HDGFL2: variants seen among roughly 807,000 people sequenced by gnomAD.
HDGFL2 encodes hepatoma-derived growth factor-related protein 2.
In HDGFL2, 36 loss-of-function variants were observed where a neutral mutation model predicts 77.1. That is an observed-to-expected ratio of 0.47 (90% CI 0.36 to 0.62). The LOEUF is 0.62. Among genes scored for constraint, HDGFL2 ranks in the 20% least tolerant of loss-of-function variants. The probability of loss-of-function intolerance (pLI) is 0.00; values close to 1 mark genes in which losing one functional copy is unlikely to be tolerated. For missense variants in HDGFL2, 976 were observed against 973.4 expected, an observed-to-expected ratio of 1.00 and a Z score of -0.04; for synonymous variants, 463 against 413.1, an observed-to-expected ratio of 1.12 and a Z score of -1.46.
rs1975779422 is a variant in HDGFL2, at chr19:4,498,885, G to A, written c.1545G>A (p.Lys515=). ...TLQVTSQILQ[K]NTDVVATLKK... is the part of the protein sequence containing the mutation. Reference sequence around the variant, plus strand: ...AGGTGACCTCTCAGATCCTCCAGAAGAACACAGACGTGGTGGCCACCTTGA... The same window carrying A: ...AGGTGACCTCTCAGATCCTCCAGAAAAACACAGACGTGGTGGCCACCTTGA... Residue 515 remains lysine, a synonymous_variant, in exon 13 of 16, where the codon AAG becomes AAA. Coordinates refer to ENST00000616600, the MANE Select transcript of HDGFL2 (RefSeq NM_001001520.3). 1 of 1,611,676 alleles carries A rather than the reference G, an allele frequency of 6.2e-7. No individual in the cohort carries two copies. The highest frequency in any genetic ancestry group is 1.7e-5 in the Admixed American group (1 of 59,740).
chr19:4,494,138 G>T (rs751626784), intron 8 of HDGFL2, 28 bp from the exon 9 acceptor site: 3 of 1,494,976 alleles, frequency 2.0e-6, no homozygotes, highest in South Asian at 2.6e-5. Flanking sequence ...GAGGAACGGA[G>T]GTCCCCAACC....
Position 4,494,407 on chromosome 19 carries a change from C to G in HDGFL2, c.1156C>G (p.Arg386Gly), listed in dbSNP as rs1200423780. 2 of 1,401,812 alleles carry G rather than the reference C, an allele frequency of 1.4e-6. No homozygotes were observed. Among genetic ancestry groups the G allele is most frequent in the Non-Finnish European group, 1.8e-6 (2 of 1,082,288 alleles). The allele number at this position is 1,401,812 out of a possible 1,614,324, so 86.8% of individuals were successfully genotyped here. The change falls in exon 9 of 16, where the codon CGC becomes GGC. Residue 386 changes from arginine to glycine, a missense_variant. Transcript: ENST00000616600. ...EDDEPVKKRG[R>G]KGRGRGPPSS... ...CGATGAGCCCGTCAAGAAGCGGGGACGCAAGGGCCGGGGCCGGGGTCCCCC... is the reference window on the plus strand; with the variant it reads ...CGATGAGCCCGTCAAGAAGCGGGGAGGCAAGGGCCGGGGCCGGGGTCCCCC...
chr19:4,492,604 CTG>C (rs966508681), intron 6 of HDGFL2, among the ~76,000 whole-genome samples: 3 of 146,224 alleles, frequency 2.1e-5, no homozygotes, highest in South Asian at 2.2e-4. Context: ...TGTGTGTTGT[CTG>C]TGTGTTATCT....
At chr19:4,489,751 T>C (rs1346146537) in intron 4 of HDGFL2, among the ~76,000 whole-genome samples, 1 of 152,136 alleles carries the variant, frequency 6.6e-6, no homozygotes, top group Non-Finnish European at 1.5e-5. Context: ...TTAAAAAAAA[T>C]TGAGTTATAG....
chr19:4,481,804 A>T (rs1407820517), intron 3 of HDGFL2, among the ~76,000 whole-genome samples: 2 of 152,042 alleles, frequency 1.3e-5, no homozygotes, highest in African/African-American at 2.4e-5. Context: ...CTGACCCCTC[A>T]GCGGGCTCCT....
In HDGFL2 at chr19:4,491,760, C is replaced by G; in HGVS notation, c.607-4C>G. The stretch of plus-strand genomic sequence containing the variant: ...CCCCAGTTCAGCTCACTTCTCTCCC[C>G]CAGGACTTCACACCTGAGAAGAAAG... On this transcript the variant is annotated splice_region_variant and splice_polypyrimidine_tract_variant and intron_variant, in intron 5 of 15. Transcript: ENST00000616600. 6.2e-7 allele frequency: 1 copy of G among 1,614,018 alleles called. No homozygotes were observed. The highest frequency in any genetic ancestry group is 8.5e-7 in the Non-Finnish European group (1 of 1,180,024).
chr19:4,501,610 G>A, intron 15 of HDGFL2: 1 of 465,550 alleles, frequency 2.1e-6, no homozygotes, highest in South Asian at 3.7e-5. Context: ...CCCGAGCACG[G>A]GCACCCGGCT....
rs1212821893 is a variant in HDGFL2, at chr19:4,491,748, C to G, written c.607-16C>G. 1 of 1,613,944 alleles carries G rather than the reference C, an allele frequency of 6.2e-7. No homozygotes were observed. Among genetic ancestry groups the G allele is most frequent in the Admixed American group, 1.7e-5 (1 of 60,020 alleles). On this transcript the variant is annotated splice_polypyrimidine_tract_variant and intron_variant, in intron 5 of 15. Transcript: ENST00000616600. ...GCTGCCAGTGGGCCCCAGTTCAGCTCACTTCTCTCCCCCAGGACTTCACAC... is the reference window on the plus strand; with the variant it reads ...GCTGCCAGTGGGCCCCAGTTCAGCTGACTTCTCTCCCCCAGGACTTCACAC...
chr19:4,501,824 C>T, intron 15 of HDGFL2, 87 bp from the exon 16 acceptor site: 1 of 992,872 alleles, frequency 1.0e-6, no homozygotes, highest in Non-Finnish European at 1.4e-6. Context: ...CGGGGGTACA[C>T]TCCTCGGTGC....
At chr19:4,491,423 T>A in intron 4 of HDGFL2, 143 bp from the exon 5 acceptor site, 1 of 673,368 alleles carries the variant, frequency 1.5e-6, no homozygotes, top group Admixed American at 2.7e-5. Flanking sequence ...AGATCCCTGG[T>A]TTGATCAGGT....
At position 4,472,450 on chromosome 19, in the gene HDGFL2, T is replaced by TA. The variant is rs1264231334; in HGVS notation, c.72+28_72+29insA. ...GAGGCCGCGCGGGAGATGGGGCCGG[T>TA]GGGGGGGGGGGGGGGGGCAGCGGGG... On this transcript the variant is annotated intron_variant, in intron 1 of 15. Transcript: ENST00000616600. The TA allele has an allele frequency of 2.6e-5, 7 of 268,022 alleles. No individual in the cohort carries two copies. The African/African-American group carries it at 3.3e-4, about 12-fold the overall frequency. The allele number at this position is 268,022 out of a possible 1,614,324, so 16.6% of individuals were successfully genotyped here. A position where few individuals can be genotyped will look rare whatever the true frequency, so the allele number is the denominator to read the frequency against.
intron 6 of HDGFL2, among the ~76,000 whole-genome samples, chr19:4,493,053 GTGTGTGTGTTGTC>G (rs1364530524): frequency 7.5e-6 from 1 of 134,048 alleles, no homozygotes; most frequent in Non-Finnish European, 1.6e-5. Context: ...TATCTGTGTG[GTGTGTGTGTTGTC>G]TGTGTGTGGT....
chr19:4,472,554 C>T, intron 1 of HDGFL2, 132 bp downstream of exon 1: 1 of 487,582 alleles, frequency 2.1e-6, no homozygotes, highest in Non-Finnish European at 3.2e-6. Flanking sequence ...GTCTGGGGTT[C>T]ATGGGGTCTG....
chr19:4,479,941 A>G (rs1975172539), intron 3 of HDGFL2, among the ~76,000 whole-genome samples: 1 of 151,184 alleles, frequency 6.6e-6, no homozygotes, highest in Admixed American at 6.6e-5. Context: ...TTAGATGCCC[A>G]GAGGGACCCA....
intron 3 of HDGFL2, among the ~76,000 whole-genome samples, chr19:4,480,376 A>G (rs1313858870): frequency 6.6e-6 from 1 of 152,118 alleles, no homozygotes; most frequent in Non-Finnish European, 1.5e-5. Context: ...TGGCTGGTAC[A>G]AGCCAGGGGC....
intron 3 of HDGFL2, among the ~76,000 whole-genome samples, chr19:4,480,938 C>A (rs1975196594): frequency 6.6e-6 from 1 of 150,468 alleles, no homozygotes; most frequent in Non-Finnish European, 1.5e-5. Context: ...CTCACTGCAA[C>A]CTCCACCTCC....
intron 1 of HDGFL2, among the ~76,000 whole-genome samples, chr19:4,474,239 G>C (rs1440676899): frequency 6.6e-6 from 1 of 152,108 alleles, no homozygotes; most frequent in East Asian, 1.9e-4. Context: ...ACACCAAACG[G>C]TGCTCTGGAC....
intron 3 of HDGFL2, among the ~76,000 whole-genome samples, chr19:4,481,184 G>T (rs1388767174): frequency 8.1e-6 from 1 of 123,456 alleles, no homozygotes; most frequent in Non-Finnish European, 1.6e-5. Flanking sequence ...ACCACGCCTG[G>T]CTAATTTTTT....
Position 4,502,044 on chromosome 19 carries a change from C to A in HDGFL2, c.*34C>A. 2 of 1,441,326 alleles carry A rather than the reference C, an allele frequency of 1.4e-6. No homozygotes were observed. Among genetic ancestry groups the A allele is most frequent in the Non-Finnish European group, 1.9e-6 (2 of 1,060,960 alleles). 89.3% of individuals were successfully genotyped at this position (1,441,326 alleles called of 1,614,324 possible). ...CAGCCAGGCCCAGCCCCCGCCCGAGCTCAGGCTGCCCCTCTCCTTCCCCGG... is the reference window on the plus strand; with the variant it reads ...CAGCCAGGCCCAGCCCCCGCCCGAGATCAGGCTGCCCCTCTCCTTCCCCGG... On this transcript the variant is annotated 3_prime_UTR_variant, in exon 16 of 16. Transcript: ENST00000616600.
Sources: allele counts gnomAD v4.1 joint callset (sites outside exome capture counted in the v4.1 genomes callset), GRCh38; gene constraint gnomAD v4.1.1; transcripts MANE v1.5; gene names NCBI Gene and HGNC (gene_info 2026-07-23, HGNC 2026-07-21).